The following PGC variants were observed in gnomAD, a reference collection of about 807,000 sequenced individuals.
The protein encoded by PGC is progastricsin.
In PGC, 31 loss-of-function variants were observed where a neutral mutation model predicts 45.9. The observed-to-expected ratio is 0.67, with a 90% confidence interval of 0.51 to 0.91. The LOEUF (loss-of-function observed/expected upper bound fraction) is 0.91. Ranked by LOEUF, PGC falls within the 40% of genes least tolerant of loss-of-function variation. The pLI is 0.00. For missense variants in PGC, 477 were observed against 493.2 expected (o/e 0.97, Z 0.31); for synonymous variants, 192 against 201.8 (o/e 0.95, Z 0.41).
rs1296229104 is a variant in PGC at position 41,744,412 on chromosome 6, G to C, written c.313C>G (p.Gln105Glu). ...SNLWVPSVYC[Q>E]SQACTSHSRF... ...CAGCACTCACTGCAGGCCTGGCTCT[G>C]GCAGTAGACAGAGGGCACCCACAAG... Residue 105 changes from glutamine to glutamate, a missense_variant, in exon 3 of 9, where the codon CAG (glutamine) becomes GAG (glutamate). By Grantham distance (29) the Gln-to-Glu change is conservative (BLOSUM62 2). Transcript: ENST00000373025. This position sits in a 1 kb window ranked among gnomAD's most constrained non-coding sequence, Gnocchi z 4.4. The C allele has an allele frequency of 6.2e-7, 1 of 1,610,858 alleles. No homozygotes were observed. The highest frequency in any genetic ancestry group is 1.1e-5 in the South Asian group (1 of 90,950).
Position 41,744,383 on chromosome 6 carries a change from A to C in PGC, c.328+14T>G, listed in dbSNP as rs1771887520. Reference sequence around the variant, plus strand: ...CCCTGCCAACCACCCCTCTCTGCCCAGCCCAGCACTCACTGCAGGCCTGGC... The same window carrying C: ...CCCTGCCAACCACCCCTCTCTGCCCCGCCCAGCACTCACTGCAGGCCTGGC... On this transcript the variant is annotated intron_variant, in intron 3 of 8. Transcript: ENST00000373025. This position sits in a 1 kb window ranked among gnomAD's most constrained non-coding sequence, Gnocchi z 4.4. 1 of 1,574,498 alleles carries C rather than the reference A, an allele frequency of 6.4e-7. No homozygotes were observed. The highest frequency in any genetic ancestry group is 1.1e-5 in the South Asian group (1 of 89,426).
At chr6:41,738,408 G>T (rs1221026708) in intron 7 of PGC, among the ~76,000 whole-genome samples, 2 of 150,206 alleles carry the variant, frequency 1.3e-5, no homozygotes, top group Admixed American at 6.6e-5. Flanking sequence ...TAGGCAGATT[G>T]CTTGAGTCCA....
In PGC at chr6:41,744,140, T is replaced by TAAAA. The variant is rs1397290357; in HGVS notation, c.328+253_328+256dup. On this transcript the variant is annotated intron_variant, in intron 3 of 8. Transcript: ENST00000373025. The surrounding 1 kb of genome is among the most constrained non-coding windows in gnomAD (Gnocchi z 4.4). ...AGTAAACAGAATGGGGAGAGTGGAATAAAAGGGAGTGGGGAGTTAGGGGCT... is the reference window on the plus strand; with the variant it reads ...AGTAAACAGAATGGGGAGAGTGGAATAAAAAAAAGGGAGTGGGGAGTTAGGGGCT... Among the ~76,000 whole-genome samples the TAAAA allele has an allele frequency of 6.6e-6, 1 of 151,836 alleles. No individual in the cohort carries two copies. The highest frequency in any genetic ancestry group is 2.1e-4 in the South Asian group (1 of 4,804).
Position 41,744,596 on chromosome 6 carries a change from C to A in PGC, c.210+62G>T, listed in dbSNP as rs1771892593. 6.3e-7 allele frequency: 1 copy of A among 1,586,734 alleles called. No homozygotes were observed. The highest frequency in any genetic ancestry group is 1.7e-5 in the Admixed American group (1 of 59,374). On this transcript the variant is annotated intron_variant, in intron 2 of 8. Coordinates refer to ENST00000373025, the MANE Select transcript of PGC (RefSeq NM_002630.4). The surrounding 1 kb of genome is among the most constrained non-coding windows in gnomAD (Gnocchi z 4.4). Reference sequence around the variant, plus strand: ...TCCATGGGCAGAGGAGTGAAGGGACCTGCCCCTTCCCTCCAGCCCACACCA... The same window carrying A: ...TCCATGGGCAGAGGAGTGAAGGGACATGCCCCTTCCCTCCAGCCCACACCA...
At position 41,742,439 on chromosome 6, in the gene PGC, C is replaced by G; in HGVS notation, c.498G>C (p.Glu166Asp). The G allele has an allele frequency of 6.2e-7, 1 of 1,614,140 alleles. No individual in the cohort carries two copies. Among genetic ancestry groups the G allele is most frequent in the Non-Finnish European group, 8.5e-7 (1 of 1,180,026 alleles). ...GCGCATAGACGAAGTTGGTACCAGGCTCATTCTCACTCAAGCCGAACTCCT... is the reference window on the plus strand; with the variant it reads ...GCGCATAGACGAAGTTGGTACCAGGGTCATTCTCACTCAAGCCGAACTCCT... Reference protein sequence around the residue: ...PNQEFGLSENEPGTNFVYAQF... With the variant: ...PNQEFGLSENDPGTNFVYAQF... The change falls in exon 5 of 9, where the codon GAG (glutamate) becomes GAC (aspartate). Residue 166 changes from glutamate (E) to aspartate (D), a missense_variant. Glu to Asp is a conservative substitution (Grantham distance 45, BLOSUM62 2). Transcript: ENST00000373025.
chr6:41,742,515 G>A, intron 4 of PGC, 26 bp from the exon 5 acceptor site: 1 of 1,594,096 alleles, frequency 6.3e-7, no homozygotes, highest in South Asian at 1.1e-5. Flanking sequence ...ACGAGGGGAG[G>A]TGACCAGTCT....
chr6:41,743,507 T>C (rs191072976), intron 3 of PGC, 118 bp from the exon 4 acceptor site: 2 of 716,562 alleles, frequency 2.8e-6, no homozygotes, highest in African/African-American at 3.5e-5. Flanking sequence ...TCCTGGGACC[T>C]CAGCACCCCT....
In PGC at chr6:41,739,564, G is replaced by A. The variant is rs954304552; in HGVS notation, c.915+235C>T. 1.2e-4 allele frequency among the ~76,000 whole-genome samples: 18 copies of A among 152,164 alleles called. No individual in the cohort carries two copies. In the South Asian group the frequency reaches 2.5e-3, roughly 21 times the overall value. ...CTACCAAGTAGCTGGAACTACAGGC[G>A]CATGCCACCGCACCCAGCTAATTTT... On this transcript the variant is annotated intron_variant, in intron 7 of 8. Transcript: ENST00000373025.
chr6:41,741,912 A>T, intron 5 of PGC: 1 of 1,265,862 alleles, frequency 7.9e-7, no homozygotes, highest in Non-Finnish European at 1.1e-6. Flanking sequence ...GGTAGAAAAC[A>T]TTCGGTCAGA....
intron 7 of PGC, among the ~76,000 whole-genome samples, chr6:41,738,143 T>C (rs907223080): frequency 1.3e-4 from 5 of 39,608 alleles, no homozygotes; most frequent in Admixed American, 3.0e-4. Flanking sequence ...CATATATATA[T>C]GCATATATAT....
In PGC at chr6:41,736,931, A is replaced by G; in HGVS notation, c.1088T>C (p.Leu363Pro). 3.7e-6 allele frequency: 6 copies of G among 1,613,976 alleles called. No individual in the cohort carries two copies. Among genetic ancestry groups the G allele is most frequent in the Non-Finnish European group, 5.1e-6 (6 of 1,179,884 alleles). The stretch of plus-strand genomic sequence containing the variant: ...GTAGGACCTGAGGAAGACATCCCCG[A>G]GGATCCACAGGGGCTGGCCGTTCTG... Reference protein sequence around the residue: ...SSQNGQPLWILGDVFLRSYYS... With the variant: ...SSQNGQPLWIPGDVFLRSYYS... The change falls in exon 9 of 9, where the codon CTC becomes CCC. Residue 363 changes from leucine to proline, a missense_variant. Leu to Pro is a moderately conservative substitution (Grantham distance 98, BLOSUM62 -3). Transcript: ENST00000373025.
rs2127291287 is a variant in PGC, at chr6:41,743,274, C to G, written c.444G>C (p.Leu148=). ...SLTGFFGYDT[L]TVQSIQVPNQ... ...TCCACTCCCCATGCCCACTCACAGT[C>G]AGGGTGTCATAGCCAAAGAAGCCGG... Residue 148 remains leucine (L), a synonymous_variant, in exon 4 of 9, where the codon CTG becomes CTC. Transcript: ENST00000373025. 1.9e-6 allele frequency: 3 copies of G among 1,595,208 alleles called. No individual in the cohort carries two copies. The South Asian group carries it at 3.3e-5, about 18-fold the overall frequency.
At chr6:41,742,162 A>T in intron 5 of PGC, 128 bp downstream of exon 5, 1 of 853,568 alleles carries the variant, frequency 1.2e-6, no homozygotes, top group Non-Finnish European at 1.9e-6. Flanking sequence ...CCCTGGAGCA[A>T]GACTGACTGG....
intron 7 of PGC, among the ~76,000 whole-genome samples, chr6:41,738,217 T>TATATATACATATATATATAC (rs1771747081): frequency 8.9e-5 from 3 of 33,624 alleles, no homozygotes; most frequent in Non-Finnish European, 1.9e-4. Context: ...TATATATGCA[T>TATATATACATATATATATAC]ATATATATGC....
rs777658310 is a variant in PGC at position 41,742,414 on chromosome 6, GC to G, written c.522del (p.Gln175SerfsTer115). The stretch of plus-strand genomic sequence containing the variant: ...GCCAGGCCCATGATGCCATCAAACT[GC>G]GCATAGACGAAGTTGGTACCAGGCT... ...ENEPGTNFVYAQFDGIMGLAY... is the reference protein window; with the variant it reads ...ENEPGTNFVYXQFDGIMGLAY... On this transcript the variant is annotated frameshift_variant, in exon 5 of 9. Coordinates refer to ENST00000373025, the MANE Select transcript of PGC (RefSeq NM_002630.4). LOFTEE classifies it high-confidence loss of function. The G allele has an allele frequency of 5.0e-6, 8 of 1,613,998 alleles. No individual in the cohort carries two copies. The highest frequency in any genetic ancestry group is 5.9e-6 in the Non-Finnish European group (7 of 1,179,880).
rs1243664189 is a variant in PGC, at chr6:41,739,877, G to A, written c.837C>T (p.Thr279=). ...ACTGCTGGGGCACAGTGAGCAGAGAGGTGCCTGTGTCCACGATGGCCTGGC... is the reference window on the plus strand; with the variant it reads ...ACTGCTGGGGCACAGTGAGCAGAGAAGTGCCTGTGTCCACGATGGCCTGGC... The part of the protein sequence containing the change: ...EGCQAIVDTG[T]SLLTVPQQYM... The change falls in exon 7 of 9, where the codon ACC becomes ACT. Residue 279 remains threonine (T), a synonymous_variant. Transcript: ENST00000373025. 6.2e-7 allele frequency: 1 copy of A among 1,614,050 alleles called. No homozygotes were observed. The highest frequency in any genetic ancestry group is 8.5e-7 in the Non-Finnish European group (1 of 1,179,974).
At chr6:41,739,487 C>G (rs558483566) in intron 7 of PGC, among the ~76,000 whole-genome samples, 1 of 151,786 alleles carries the variant, frequency 6.6e-6, no homozygotes, top group African/African-American at 2.4e-5. Context: ...AGTGAGATCA[C>G]GGCTCACTGC....
chr6:41,738,202 G>GCATATATATATA (rs1771742268), intron 7 of PGC, among the ~76,000 whole-genome samples: 4 of 63,486 alleles, frequency 6.3e-5, no homozygotes, highest in African/African-American at 2.1e-4. Flanking sequence ...ATATATATAT[G>GCATATATATATA]CATATATATA....
At chr6:41,742,191 A>G in intron 5 of PGC, 99 bp downstream of exon 5, 1 of 1,070,712 alleles carries the variant, frequency 9.3e-7, no homozygotes, top group Non-Finnish European at 1.4e-6. Context: ...GCCCGCTGGG[A>G]TGCCTCCAAA....
Sources: gnomAD v4.1 joint callset for allele counts (sites outside exome capture counted in the v4.1 genomes callset) on GRCh38, gnomAD v4.1.1 for gene constraint, Gnocchi (gnomAD v3.1) non-coding constraint, MANE v1.5 for transcripts, NCBI Gene and HGNC (gene_info 2026-07-23, HGNC 2026-07-21) for gene names.